Variants in CAMK1D observed in about 807,000 individuals in gnomAD.
CAMK1D encodes calcium/calmodulin-dependent protein kinase type 1D.
In CAMK1D, 9 loss-of-function variants were observed where a neutral mutation model predicts 47.7. That is an observed-to-expected ratio of 0.19 (90% CI 0.11 to 0.33). CAMK1D has a LOEUF of 0.33. CAMK1D is among the 10% of genes least tolerant of loss of function. The probability of loss-of-function intolerance (pLI) is 1.00; values close to 1 mark genes in which losing one functional copy is unlikely to be tolerated. For synonymous variants in CAMK1D, 184 were observed against 184.9 expected, an observed-to-expected ratio of 0.99 and a Z score of 0.04; for missense variants, 291 against 488.7, an observed-to-expected ratio of 0.60 and a Z score of 3.81.
rs555765957 is a variant in CAMK1D at position 12,563,320 on chromosome 10, C to T, written c.224+9964C>T. Among the ~76,000 whole-genome samples the T allele has an allele frequency of 2.3e-3, 355 of 152,006 alleles. 2 individuals carry two copies. The highest frequency in any genetic ancestry group is 8.1e-3 in the African/African-American group (337 of 41,436). ...AGTGAGCTGTGATGACACCACTGCA[C>T]CCCAGTCTGGGCAACAGAGTGAGAC... On this transcript the variant is annotated intron_variant, in intron 2 of 10. Transcript: ENST00000619168.
At chr10:12,541,508 C>T (rs1836170821) in intron 1 of CAMK1D, among the ~76,000 whole-genome samples, 2 of 152,140 alleles carry the variant, frequency 1.3e-5, no homozygotes, top group Non-Finnish European at 1.5e-5. Context: ...GGATTACAGG[C>T]GTGTGCCACC....
intron 4 of CAMK1D, among the ~76,000 whole-genome samples, chr10:12,765,527 G>A (rs992956688): frequency 6.6e-6 from 1 of 152,220 alleles, no homozygotes; most frequent in African/African-American, 2.4e-5. Flanking sequence ...TGGCTGTCCA[G>A]TAGGTCCAGT....
intron 1 of CAMK1D, among the ~76,000 whole-genome samples, chr10:12,439,338 T>C (rs947756886): frequency 5.3e-5 from 8 of 152,226 alleles, no homozygotes; most frequent in African/African-American, 7.2e-5. Context: ...ATTTATTGAC[T>C]GGAGGCCAGA....
intron 3 of CAMK1D, among the ~76,000 whole-genome samples, chr10:12,735,796 TAAGAAA>T (rs1449740864): frequency 6.6e-6 from 1 of 150,664 alleles, no homozygotes; most frequent in African/African-American, 2.4e-5. Flanking sequence ...TTTTTTTTTT[TAAGAAA>T]TAAGAAATTA....
rs1554796845 is a variant in CAMK1D at position 12,611,609 on chromosome 10, T to TTTTTTTTTG, written c.225-55127_225-55126insTTTTTTTTG. The stretch of plus-strand genomic sequence containing the variant: ...ATGCCTTTTTTTTTTTTTTTTTTTT[T>TTTTTTTTTG]GAGACAGAGTCTTACTCTGTCTCCC... On this transcript the variant is annotated intron_variant, in intron 2 of 10. Transcript: ENST00000619168. Among the ~76,000 whole-genome samples, 666 of 124,692 alleles carry TTTTTTTTTG rather than the reference T, an allele frequency of 5.3e-3. 30 individuals carry two copies. The highest frequency in any genetic ancestry group is 0.019 in the Admixed American group (202 of 10,698). 81.8% of individuals were successfully genotyped at this position (124,692 alleles called of 152,430 possible).
chr10:12,408,894 C>T (rs1268572754), intron 1 of CAMK1D, among the ~76,000 whole-genome samples: 1 of 144,280 alleles, frequency 6.9e-6, no homozygotes, highest in African/African-American at 2.6e-5. Context: ...CTTTCTGTCG[C>T]CCAGGCTGGA....
intron 2 of CAMK1D, among the ~76,000 whole-genome samples, chr10:12,636,039 G>A (rs1024942118): frequency 6.6e-6 from 1 of 152,098 alleles, no homozygotes; most frequent in African/African-American, 2.4e-5. Flanking sequence ...CTTTTGTATT[G>A]TGGCAAAATA....
At chr10:12,370,766 G>A (rs982651834) in intron 1 of CAMK1D, among the ~76,000 whole-genome samples, 1 of 152,040 alleles carries the variant, frequency 6.6e-6, no homozygotes, top group Admixed American at 6.6e-5. Flanking sequence ...GCGCCACCAC[G>A]CCCGGCTAAT....
At chr10:12,461,725 A>G (rs1833431772) in intron 1 of CAMK1D, among the ~76,000 whole-genome samples, 1 of 151,880 alleles carries the variant, frequency 6.6e-6, no homozygotes, top group Non-Finnish European at 1.5e-5. Context: ...TCAAAGTAAG[A>G]ATACCCAAAA....
chr10:12,550,014 A>G (rs538254465), intron 1 of CAMK1D, among the ~76,000 whole-genome samples: 9 of 152,208 alleles, frequency 5.9e-5, no homozygotes, highest in African/African-American at 2.2e-4. Flanking sequence ...GGCCGTGGTC[A>G]TTTCTGATCA....
intron 3 of CAMK1D, among the ~76,000 whole-genome samples, chr10:12,729,884 C>T (rs11257961): frequency 0.014 from 2,203 of 151,984 alleles, 39 homozygotes; most frequent in South Asian, 0.097. Flanking sequence ...CTGGTGAGGT[C>T]GGGGACAAAA....
At chr10:12,350,578 C>T (rs1837325017) in intron 1 of CAMK1D, among the ~76,000 whole-genome samples, 1 of 148,838 alleles carries the variant, frequency 6.7e-6, no homozygotes, top group South Asian at 2.1e-4. Flanking sequence ...GGTGCTCTCT[C>T]CGGGCTGCAT....
rs146884758 is a variant in CAMK1D at position 12,389,044 on chromosome 10, C to T, written c.92+39134C>T. Among the ~76,000 whole-genome samples, 81 of 152,304 alleles carry T rather than the reference C, an allele frequency of 5.3e-4. 1 individual carries two copies. The highest frequency in any genetic ancestry group is 3.4e-3 in the Middle Eastern group (1 of 294). On this transcript the variant is annotated intron_variant, in intron 1 of 10. Transcript: ENST00000619168. ...ATACTCCATGGAAGGTCCTTCCTGT[C>T]CGATCTGTCCAAGGTCTGGAGGAAG...
chr10:12,617,977 C>G (rs1263349561), intron 2 of CAMK1D, among the ~76,000 whole-genome samples: 1 of 152,186 alleles, frequency 6.6e-6, no homozygotes, highest in Admixed American at 6.5e-5. Flanking sequence ...AGAATTATCT[C>G]TTTAATTGCT....
intron 1 of CAMK1D, among the ~76,000 whole-genome samples, chr10:12,451,218 C>T (rs760026388): frequency 2.0e-5 from 3 of 152,170 alleles, no homozygotes; most frequent in Admixed American, 6.5e-5. Context: ...AGAAGCAGTC[C>T]GCCTAGCCCC....
intron 2 of CAMK1D, among the ~76,000 whole-genome samples, chr10:12,581,219 C>T (rs779489924): frequency 1.8e-4 from 28 of 152,152 alleles, no homozygotes; most frequent in Non-Finnish European, 3.1e-4. Flanking sequence ...GCCATTATTT[C>T]ATTCCTTTTT....
chr10:12,423,498 G>GACAGCCC (rs745799441), intron 1 of CAMK1D, among the ~76,000 whole-genome samples: 26 of 151,316 alleles, frequency 1.7e-4, no homozygotes, highest in Non-Finnish European at 3.7e-4. Context: ...CCAGGGGACA[G>GACAGCCC]AGTGAGTCTG....
intron 2 of CAMK1D, among the ~76,000 whole-genome samples, chr10:12,629,333 T>C (rs1215839084): frequency 6.6e-6 from 1 of 152,214 alleles, no homozygotes; most frequent in Admixed American, 6.5e-5. Context: ...AAACTATGAC[T>C]ATGCAATCAA....
intron 6 of CAMK1D, among the ~76,000 whole-genome samples, chr10:12,799,901 C>T (rs1405097171): frequency 1.3e-5 from 2 of 152,156 alleles, no homozygotes; most frequent in African/African-American, 2.4e-5. Flanking sequence ...CAATTTCAGT[C>T]GTGCATCAAC....
Sources: allele counts gnomAD v4.1 joint callset (sites outside exome capture counted in the v4.1 genomes callset), GRCh38; gene constraint gnomAD v4.1.1; transcripts MANE v1.5; gene names NCBI Gene and HGNC (gene_info 2026-07-23, HGNC 2026-07-21).